Variants in HECW2 observed in about 807,000 individuals in gnomAD.
HECW2 encodes E3 ubiquitin-protein ligase HECW2.
Under a neutral mutation model 175.2 loss-of-function variants are expected in HECW2, and 61 were observed. The ratio of observed to expected loss-of-function variants is 0.35; its 90% confidence interval spans 0.28 to 0.43. HECW2 has a LOEUF of 0.43. Ranked by LOEUF, HECW2 falls within the 20% of genes least tolerant of loss-of-function variation. The probability of loss-of-function intolerance (pLI) is 1.00; values close to 1 mark genes in which losing one functional copy is unlikely to be tolerated. For missense variants in HECW2, 1,524 were observed against 2,000.5 expected (o/e 0.76, Z 4.54); for synonymous variants, 671 against 731.0 (o/e 0.92, Z 1.32).
intron 1 of HECW2, among the ~76,000 whole-genome samples, chr2:196,473,436 C>G (rs760380000): frequency 9.2e-5 from 14 of 152,132 alleles, no homozygotes; most frequent in Non-Finnish European, 1.9e-4. Flanking sequence ...GATCAAAGTG[C>G]AAGGTCTAAA....
intron 28 of HECW2, among the ~76,000 whole-genome samples, chr2:196,213,494 G>C (rs1687363779): frequency 6.6e-6 from 1 of 152,166 alleles, no homozygotes; most frequent in Non-Finnish European, 1.5e-5. Flanking sequence ...CTGCAACTCT[G>C]AAGCAGAAAA....
chr2:196,208,659 GCCA>G lies in HECW2; in HGVS notation c.4607+7203_4607+7205del, dbSNP rs528641497. ...ACCCGAGTCTTGGGGACAAGAAAGA[GCCA>G]GGCATGAAGGACCAGCAGATAAGTG... On this transcript the variant is annotated intron_variant, in intron 28 of 28. Coordinates refer to ENST00000644978, the MANE Select transcript of HECW2 (RefSeq NM_001348768.2). 7.9e-5 allele frequency among the ~76,000 whole-genome samples: 12 copies of G among 152,342 alleles called. No homozygotes were observed. The East Asian group carries it at 1.5e-3, about 20-fold the overall frequency.
intron 1 of HECW2, among the ~76,000 whole-genome samples, chr2:196,475,120 CAGAAG>C (rs947499413): frequency 7.2e-5 from 11 of 152,236 alleles, no homozygotes; most frequent in African/African-American, 1.9e-4. Flanking sequence ...TTGAGATGTT[CAGAAG>C]ACACCCACAC....
chr2:196,206,986 T>C (rs1687090954), intron 28 of HECW2, among the ~76,000 whole-genome samples: 1 of 152,190 alleles, frequency 6.6e-6, no homozygotes, highest in Non-Finnish European at 1.5e-5. Flanking sequence ...GTGTGCAGGT[T>C]TTCTCTGAAT....
intron 2 of HECW2, among the ~76,000 whole-genome samples, chr2:196,387,820 C>G (rs1694392887): frequency 6.6e-6 from 1 of 152,038 alleles, no homozygotes; most frequent in Middle Eastern, 3.2e-3. Flanking sequence ...AATAACATGC[C>G]AAATTACAGC....
At chr2:196,280,306 TG>T (rs1191848195) in intron 14 of HECW2, among the ~76,000 whole-genome samples, 16 of 152,308 alleles carry the variant, frequency 1.1e-4, no homozygotes, top group Admixed American at 5.2e-4. Context: ...CACCTAGAGA[TG>T]AAGGTATCTA....
chr2:196,487,862 G>A (rs1043609459), intron 1 of HECW2, among the ~76,000 whole-genome samples: 1 of 152,196 alleles, frequency 6.6e-6, no homozygotes, highest in African/African-American at 2.4e-5. Context: ...CATCTGTCCA[G>A]AATGCAACAT....
chr2:196,274,201 A>G (rs1435900587), intron 15 of HECW2, 78 bp from the exon 16 acceptor site: 2 of 1,006,740 alleles, frequency 2.0e-6, no homozygotes, highest in Non-Finnish European at 3.1e-6. Flanking sequence ...CAAGTTGTTC[A>G]AAATATTAAC....
intron 1 of HECW2, among the ~76,000 whole-genome samples, chr2:196,445,320 T>TG (rs1190744703): frequency 9.8e-5 from 15 of 152,300 alleles, no homozygotes; most frequent in African/African-American, 3.6e-4. Context: ...CCCCCAAACT[T>TG]GGAGTTTATT....
At chr2:196,215,305 G>A (rs1162167281) in intron 28 of HECW2, among the ~76,000 whole-genome samples, 1 of 152,188 alleles carries the variant, frequency 6.6e-6, no homozygotes, top group East Asian at 1.9e-4. Context: ...TTATCACACT[G>A]ACAAATTGCA....
intron 2 of HECW2, among the ~76,000 whole-genome samples, chr2:196,373,424 T>C (rs1693959549): frequency 2.0e-5 from 3 of 152,214 alleles, no homozygotes; most frequent in Admixed American, 2.0e-4. Context: ...ATAACTAAAA[T>C]CACAGGACAT....
chr2:196,214,866 A>G (rs1687415796), intron 28 of HECW2, among the ~76,000 whole-genome samples: 2 of 152,204 alleles, frequency 1.3e-5, no homozygotes, highest in South Asian at 2.1e-4. Context: ...AACAGATGAC[A>G]TCTTGGGGTA....
intron 2 of HECW2, among the ~76,000 whole-genome samples, chr2:196,360,440 C>A (rs1350148593): frequency 6.6e-6 from 1 of 152,138 alleles, no homozygotes; most frequent in Non-Finnish European, 1.5e-5. Flanking sequence ...CAAACTAACA[C>A]AGGAACAGAA....
At chr2:196,487,362 G>C (rs1039907977) in intron 1 of HECW2, among the ~76,000 whole-genome samples, 1 of 152,124 alleles carries the variant, frequency 6.6e-6, no homozygotes, top group African/African-American at 2.4e-5. Context: ...TTCTATTATT[G>C]CCCAAGTGGT....
At chr2:196,591,705 G>A (rs1305592394) in intron 1 of HECW2, among the ~76,000 whole-genome samples, 1 of 151,340 alleles carries the variant, frequency 6.6e-6, no homozygotes, top group Non-Finnish European at 1.5e-5. Flanking sequence ...CTTTATGCCT[G>A]GCTTCTCTAG....
intron 1 of HECW2, among the ~76,000 whole-genome samples, chr2:196,577,364 A>G (rs933735158): frequency 3.3e-5 from 5 of 152,210 alleles, no homozygotes; most frequent in African/African-American, 9.6e-5. Context: ...TTTATTAAAA[A>G]GTCATTTATT....
At chr2:196,430,146 G>GA (rs1292756153) in intron 2 of HECW2, among the ~76,000 whole-genome samples, 4 of 152,110 alleles carry the variant, frequency 2.6e-5, no homozygotes, top group Non-Finnish European at 4.4e-5. Flanking sequence ...CCAAAAGCAA[G>GA]ACCTAACAAA....
intron 1 of HECW2, among the ~76,000 whole-genome samples, chr2:196,540,853 TA>T (rs1689186819): frequency 6.6e-6 from 1 of 152,184 alleles, no homozygotes; most frequent in Non-Finnish European, 1.5e-5. Context: ...CTCCATAGGA[TA>T]ATCATACAAA....
chr2:196,327,992 A>C (rs1206431695), intron 5 of HECW2, among the ~76,000 whole-genome samples: 1 of 152,216 alleles, frequency 6.6e-6, no homozygotes, highest in Non-Finnish European at 1.5e-5. Flanking sequence ...GATCACCTAA[A>C]AGCATAGGGT....
Sources: allele counts gnomAD v4.1 joint callset (sites outside exome capture counted in the v4.1 genomes callset), GRCh38; gene constraint gnomAD v4.1.1; transcripts MANE v1.5; gene names NCBI Gene and HGNC (gene_info 2026-07-23, HGNC 2026-07-21).